NTM: variants seen among roughly 807,000 people sequenced by gnomAD.
The protein encoded by NTM is IgLON family member 2.
NTM carries 13 observed loss-of-function variants against 42.1 expected under a neutral mutation model. The observed-to-expected ratio is 0.31, with a 90% confidence interval of 0.20 to 0.49. The LOEUF is 0.49. Ranked by LOEUF, NTM falls within the 20% of genes least tolerant of loss-of-function variation. The probability of loss-of-function intolerance (pLI) is 0.99; values close to 1 mark genes in which losing one functional copy is unlikely to be tolerated. For synonymous variants in NTM, 187 were observed against 179.2 expected (o/e 1.04, Z -0.35); for missense variants, 373 against 452.8 (o/e 0.82, Z 1.60).
At chr11:132,109,139 A>G (rs957226591) in intron 2 of NTM, among the ~76,000 whole-genome samples, 1 of 152,116 alleles carries the variant, frequency 6.6e-6, no homozygotes, top group Non-Finnish European at 1.5e-5. Flanking sequence ...AGTCTTTGCT[A>G]TTGTGAACAG....
intron 1 of NTM, among the ~76,000 whole-genome samples, chr11:131,542,332 C>T (rs1025553797): frequency 1.3e-5 from 2 of 152,092 alleles, no homozygotes; most frequent in South Asian, 2.1e-4. Flanking sequence ...CCTGAAGAGA[C>T]AAGAAGAGAG....
chr11:131,598,875 T>TCCTTCCTCCTTCCTTC, intron 1 of NTM, among the ~76,000 whole-genome samples: 1 of 35,034 alleles, frequency 2.9e-5, no homozygotes, highest in African/African-American at 9.8e-5. Flanking sequence ...CTTCCTTCCT[T>TCCTTCCTCCTTCCTTC]CTTCCTTCCT....
intron 2 of NTM, among the ~76,000 whole-genome samples, chr11:132,096,263 T>C (rs1295647548): frequency 6.6e-6 from 1 of 152,158 alleles, no homozygotes; most frequent in Non-Finnish European, 1.5e-5. Flanking sequence ...TAACAGAGTG[T>C]GTTGTAATTG....
intron 1 of NTM, among the ~76,000 whole-genome samples, chr11:131,449,407 T>G (rs1458485190): frequency 6.6e-6 from 1 of 152,198 alleles, no homozygotes; most frequent in East Asian, 1.9e-4. Flanking sequence ...TCCAGCTTCC[T>G]CGTTGTGCAG....
At chr11:131,845,964 A>G (rs1592240882) in intron 1 of NTM, among the ~76,000 whole-genome samples, 1 of 152,194 alleles carries the variant, frequency 6.6e-6, no homozygotes, top group East Asian at 1.9e-4. Context: ...GAAACATTCC[A>G]TTTAGCTTTT....
intron 1 of NTM, among the ~76,000 whole-genome samples, chr11:131,789,838 C>A (rs1030989921): frequency 1.3e-5 from 2 of 150,580 alleles, no homozygotes; most frequent in Admixed American, 1.3e-4. Flanking sequence ...AGCCTGTAGT[C>A]CCAGCTACAC....
At chr11:132,205,947 G>A (rs1017647884) in intron 3 of NTM, among the ~76,000 whole-genome samples, 9 of 152,112 alleles carry the variant, frequency 5.9e-5, no homozygotes, top group African/African-American at 2.2e-4. Flanking sequence ...AGGTCTAGGG[G>A]TCTCCCTGTG....
chr11:131,461,131 T>C (rs1479427693), intron 1 of NTM, among the ~76,000 whole-genome samples: 1 of 152,216 alleles, frequency 6.6e-6, no homozygotes, highest in Non-Finnish European at 1.5e-5. Flanking sequence ...TTGCTCTACA[T>C]CTGAGAGAGG....
At chr11:131,486,859 G>A (rs577671526) in intron 1 of NTM, among the ~76,000 whole-genome samples, 1 of 152,122 alleles carries the variant, frequency 6.6e-6, no homozygotes, top group African/African-American at 2.4e-5. Flanking sequence ...TCCCTCTTAG[G>A]AAGCAGACGA....
At chr11:132,104,186 A>C (rs1358199424) in intron 2 of NTM, among the ~76,000 whole-genome samples, 2 of 152,160 alleles carry the variant, frequency 1.3e-5, no homozygotes, top group Admixed American at 6.5e-5. Flanking sequence ...TGTGTGCCTT[A>C]AGAGCTGGGG....
chr11:132,036,522 G>A (rs1006545995), intron 2 of NTM, among the ~76,000 whole-genome samples: 9 of 152,120 alleles, frequency 5.9e-5, no homozygotes, highest in African/African-American at 2.2e-4. Flanking sequence ...CCATTTAAGT[G>A]TGTAATTCAG....
intron 6 of NTM, among the ~76,000 whole-genome samples, chr11:132,313,483 G>A (rs946827411): frequency 3.3e-5 from 5 of 152,144 alleles, no homozygotes; most frequent in Non-Finnish European, 5.9e-5. Flanking sequence ...TTTGCCCCAA[G>A]AGTATTCATC....
intron 4 of NTM, among the ~76,000 whole-genome samples, chr11:132,258,909 A>G (rs866056036): frequency 3.3e-5 from 5 of 152,242 alleles, no homozygotes; most frequent in South Asian, 2.1e-4. Flanking sequence ...TTCAGTCAAA[A>G]TAGTCCAATT....
At chr11:131,721,491 C>T (rs557504724) in intron 1 of NTM, among the ~76,000 whole-genome samples, 1 of 152,112 alleles carries the variant, frequency 6.6e-6, no homozygotes, top group East Asian at 1.9e-4. Context: ...CAGTGGCTGA[C>T]ATCCTAAGAG....
intron 1 of NTM, among the ~76,000 whole-genome samples, chr11:131,602,782 C>G (rs1241556587): frequency 1.3e-5 from 2 of 152,108 alleles, no homozygotes; most frequent in Non-Finnish European, 2.9e-5. Context: ...ATATCTGTCC[C>G]CATCGATTGT....
chr11:132,294,747 G>C (rs1400398348), intron 4 of NTM, among the ~76,000 whole-genome samples: 1 of 152,106 alleles, frequency 6.6e-6, no homozygotes, highest in Non-Finnish European at 1.5e-5. Flanking sequence ...TTTTTTCCTT[G>C]CCTGTCCCAG....
At chr11:132,044,126 ATATATG>A (rs1566016166) in intron 2 of NTM, among the ~76,000 whole-genome samples, 51 of 51,472 alleles carry the variant, frequency 9.9e-4, no homozygotes, top group African/African-American at 4.4e-3. Context: ...ATGTGTGTGT[ATATATG>A]TGTGTGTGTA....
intron 1 of NTM, among the ~76,000 whole-genome samples, chr11:131,732,645 G>T (rs552159866): frequency 6.6e-6 from 1 of 152,278 alleles, no homozygotes; most frequent in South Asian, 2.1e-4. Flanking sequence ...GTGTACTACT[G>T]TTGGATGCAT....
At chr11:132,268,670 C>T (rs5014310) in intron 4 of NTM, among the ~76,000 whole-genome samples, 1 of 146,320 alleles carries the variant, frequency 6.8e-6, no homozygotes, top group African/African-American at 2.6e-5. Context: ...CTCTCTCTCT[C>T]TGTGTGTGTG....
Sources: gnomAD v4.1 joint callset for allele counts (sites outside exome capture counted in the v4.1 genomes callset) on GRCh38, gnomAD v4.1.1 for gene constraint, MANE v1.5 for transcripts, NCBI Gene and HGNC (gene_info 2026-07-23, HGNC 2026-07-21) for gene names.